Variants in LTBP1 observed in about 807,000 individuals in gnomAD.
LTBP1 encodes the protein latent-transforming growth factor beta-binding protein 1.
In LTBP1, 129 loss-of-function variants were observed where a neutral mutation model predicts 207.6. The observed-to-expected ratio is 0.62, with a 90% CI of 0.54 to 0.72. LTBP1 has a LOEUF of 0.72. LTBP1 is among the 30% of genes least tolerant of loss of function. The probability of loss-of-function intolerance (pLI) is 0.00; values close to 1 mark genes in which losing one functional copy is unlikely to be tolerated. For synonymous variants in LTBP1, 963 were observed against 833.7 expected, an observed-to-expected ratio of 1.16 and a Z score of -2.67; for missense variants, 2,281 against 2,217.2, an observed-to-expected ratio of 1.03 and a Z score of -0.58.
At chr2:33,163,511 A>G (rs1159184594) in intron 5 of LTBP1, among the ~76,000 whole-genome samples, 4 of 152,220 alleles carry the variant, frequency 2.6e-5, no homozygotes, top group Non-Finnish European at 5.9e-5. Flanking sequence ...ATGATGAAAA[A>G]TGGCTTAAAG....
Position 33,118,924 on chromosome 2 carries a change from A to G in LTBP1, c.1033+8173A>G, listed in dbSNP as rs149681021. Among the ~76,000 whole-genome samples, 5 of 152,354 alleles carry G rather than the reference A, an allele frequency of 3.3e-5. No homozygotes were observed. The East Asian group carries it at 9.6e-4, about 29-fold the overall frequency. On this transcript the variant is annotated intron_variant, in intron 4 of 33. Coordinates refer to ENST00000404816, the MANE Select transcript of LTBP1 (RefSeq NM_206943.4). ...GTGAAACAGTAGATATGGATTGGTT[A>G]TAAATATTTCCAAGAAACTTACCCA...
chr2:33,114,445 T>C (rs1166971213), intron 4 of LTBP1, among the ~76,000 whole-genome samples: 3 of 152,212 alleles, frequency 2.0e-5, no homozygotes, highest in African/African-American at 4.8e-5. Context: ...ACTCACAGTC[T>C]CTCAATCCAC....
chr2:33,220,258 C>T (rs2091013694), intron 8 of LTBP1, among the ~76,000 whole-genome samples: 1 of 152,182 alleles, frequency 6.6e-6, no homozygotes, highest in Non-Finnish European at 1.5e-5. Context: ...GGTTGGGACT[C>T]CTCTCTAAAT....
chr2:33,301,594 G>A lies in LTBP1; in HGVS notation c.3431G>A (p.Cys1144Tyr). Residue 1144 changes from cysteine to tyrosine, a missense_variant, in exon 22 of 34, where the codon TGT becomes TAT. Cys to Tyr is a radical substitution (Grantham distance 194, BLOSUM62 -2). Transcript: ENST00000404816. ...QCRNTEGSFQCVCDQGYRASG... is the reference protein window; with the variant it reads ...QCRNTEGSFQYVCDQGYRASG... Reference sequence around the variant, plus strand: ...AGGAACACTGAGGGCTCTTTTCAATGTGTGTGTGACCAGGGTTACAGAGCA... The same window carrying A: ...AGGAACACTGAGGGCTCTTTTCAATATGTGTGTGACCAGGGTTACAGAGCA... 1.2e-6 allele frequency: 2 copies of A among 1,612,502 alleles called. No individual in the cohort carries two copies. The highest frequency in any genetic ancestry group is 1.7e-6 in the Non-Finnish European group (2 of 1,179,276).
At chr2:33,054,778 G>C (rs1162886280) in intron 3 of LTBP1, among the ~76,000 whole-genome samples, 2 of 152,116 alleles carry the variant, frequency 1.3e-5, no homozygotes, top group Non-Finnish European at 2.9e-5. Flanking sequence ...ATGTACCCGG[G>C]GCTCAGTGAG....
chr2:33,233,140 A>G (rs2091880390), intron 9 of LTBP1, among the ~76,000 whole-genome samples: 1 of 152,096 alleles, frequency 6.6e-6, no homozygotes, highest in African/African-American at 2.4e-5. Context: ...ATCACTTTCC[A>G]CCATGCTTTT....
chr2:33,134,888 G>C lies in LTBP1; in HGVS notation c.1129G>C (p.Gly377Arg). The C allele has an allele frequency of 6.2e-7, 1 of 1,613,996 alleles. No homozygotes were observed. Among genetic ancestry groups the C allele is most frequent in the Non-Finnish European group, 8.5e-7 (1 of 1,179,988 alleles). ...KGSCQNSCEK[G>R]NTTTLISENG... is the part of the protein sequence containing the mutation. ...CAGCTGTCAGAACAGCTGTGAGAAG[G>C]GGAACACCACCACTCTCATTAGTGA... is the stretch of plus-strand genomic sequence containing the variant. Residue 377 changes from glycine to arginine, a missense_variant, in exon 5 of 34, where the codon GGG (glycine) becomes CGG (arginine). Gly to Arg is a moderately radical substitution (Grantham distance 125). Coordinates refer to ENST00000404816, the MANE Select transcript of LTBP1 (RefSeq NM_206943.4). This position sits in a 1 kb window ranked among gnomAD's most constrained non-coding sequence, Gnocchi z 4.4.
intron 7 of LTBP1, among the ~76,000 whole-genome samples, chr2:33,207,583 A>G (rs981189357): frequency 1.3e-5 from 2 of 152,240 alleles, no homozygotes; most frequent in Admixed American, 1.3e-4. Flanking sequence ...AAGTTCTCTT[A>G]GAAAATCTGG....
intron 5 of LTBP1, among the ~76,000 whole-genome samples, chr2:33,137,935 G>T (rs957060004): frequency 6.6e-6 from 1 of 152,196 alleles, no homozygotes; most frequent in African/African-American, 2.4e-5. Context: ...ATGGAGTTGT[G>T]TCTTGTGGGA....
At chr2:33,395,644 T>C (rs1399934899) in intron 32 of LTBP1, among the ~76,000 whole-genome samples, 1 of 151,882 alleles carries the variant, frequency 6.6e-6, no homozygotes, top group East Asian at 1.9e-4. Flanking sequence ...TCAGGCACTT[T>C]AGTCATTGTT....
At chr2:33,239,253 A>G (rs1002276067) in intron 9 of LTBP1, among the ~76,000 whole-genome samples, 27 of 152,336 alleles carry the variant, frequency 1.8e-4, no homozygotes, top group African/African-American at 5.8e-4. Context: ...AGAGGAGCAC[A>G]TGGGTCCGTA....
rs751289584 is a variant in LTBP1, at chr2:33,222,100, A to G, written c.1825A>G (p.Met609Val). ...KKPSYHGYNQMMECLPGYKRV... is the reference protein window; with the variant it reads ...KKPSYHGYNQVMECLPGYKRV... ...TACAGCTTATCATGGATACAACCAA[A>G]TGATGGAATGCCTACCGGGTTATAA... Residue 609 changes from methionine (M) to valine (V), a missense_variant, in exon 9 of 34, where the codon ATG (methionine) becomes GTG (valine). Physicochemically the swap from Met to Val is conservative, Grantham distance 21. Around this residue, in one of 3 missense-constraint regions of LTBP1, gnomAD observed 1,671 missense variants for 1,634.8 expected, o/e 1.02. Transcript: ENST00000404816. 1 of 1,612,882 alleles carries G rather than the reference A, an allele frequency of 6.2e-7. No individual in the cohort carries two copies. The highest frequency in any genetic ancestry group is 2.2e-5 in the East Asian group (1 of 44,874).
chr2:33,229,172 A>G (rs1201888615), intron 9 of LTBP1, among the ~76,000 whole-genome samples: 1 of 152,198 alleles, frequency 6.6e-6, no homozygotes, highest in Non-Finnish European at 1.5e-5. Context: ...TATTTCATTA[A>G]AAAGTGATGG....
At chr2:33,281,128 G>A (rs969889653) in intron 19 of LTBP1, among the ~76,000 whole-genome samples, 17 of 152,102 alleles carry the variant, frequency 1.1e-4, no homozygotes, top group South Asian at 2.1e-4. Context: ...CTAAGTTCTG[G>A]GATATATTGA....
intron 32 of LTBP1, among the ~76,000 whole-genome samples, chr2:33,394,053 C>T (rs1162377758): frequency 6.6e-6 from 1 of 152,072 alleles, no homozygotes; most frequent in Non-Finnish European, 1.5e-5. Flanking sequence ...TGATGATGAG[C>T]ATTTTTTCAT....
intron 31 of LTBP1, among the ~76,000 whole-genome samples, chr2:33,378,346 C>T (rs2095170476): frequency 6.6e-6 from 1 of 151,968 alleles, no homozygotes; most frequent in Non-Finnish European, 1.5e-5. Context: ...CTGCCACAGC[C>T]TCCCGAGTAG....
chr2:33,010,225 G>A (rs1350526090), intron 2 of LTBP1, among the ~76,000 whole-genome samples: 1 of 152,222 alleles, frequency 6.6e-6, no homozygotes, highest in Non-Finnish European at 1.5e-5. Flanking sequence ...TGATGACTTG[G>A]ACAAGAACAG....
intron 24 of LTBP1, among the ~76,000 whole-genome samples, chr2:33,321,523 A>G (rs1048326787): frequency 6.6e-6 from 1 of 152,228 alleles, no homozygotes; most frequent in Non-Finnish European, 1.5e-5. Context: ...TTGTTTTCAC[A>G]CTTCTAGGTA....
chr2:33,362,633 A>T (rs1161466364), intron 28 of LTBP1, among the ~76,000 whole-genome samples: 1 of 152,184 alleles, frequency 6.6e-6, no homozygotes, highest in Non-Finnish European at 1.5e-5. Flanking sequence ...GCCATTTTCC[A>T]TCTGTGTTAA....
Sources: allele counts gnomAD v4.1 joint callset (sites outside exome capture counted in the v4.1 genomes callset), GRCh38; gene constraint gnomAD v4.1.1; regional missense constraint gnomAD v4.1.1; non-coding constraint Gnocchi (gnomAD v3.1); transcripts MANE v1.5; gene names NCBI Gene and HGNC (gene_info 2026-07-23, HGNC 2026-07-21).